The following PRDM16 variants were observed in gnomAD, a reference collection of about 807,000 sequenced individuals.
PRDM16 encodes the protein PR/SET domain 16, also known as histone-lysine N-methyltransferase PRDM16.
In PRDM16, 23 loss-of-function variants were observed where a neutral mutation model predicts 110.6. The ratio of observed to expected loss-of-function variants is 0.21; its 90% CI spans 0.15 to 0.29. The LOEUF (loss-of-function observed/expected upper bound fraction) is 0.29, where lower values mean the gene tolerates loss of function less well. Ranked by LOEUF, PRDM16 falls within the 10% of genes least tolerant of loss-of-function variation. The pLI is 1.00. For synonymous variants in PRDM16, 799 were observed against 781.8 expected (o/e 1.02, Z -0.37); for missense variants, 1,615 against 1,794.3 (o/e 0.90, Z 1.81).
intron 2 of PRDM16, among the ~76,000 whole-genome samples, chr1:3,203,079 T>G (rs1222307684): frequency 6.6e-6 from 1 of 152,188 alleles, no homozygotes; most frequent in East Asian, 1.9e-4. Flanking sequence ...TGCTGTCATG[T>G]GGGGTCACCA....
At chr1:3,431,190 C>T in intron 15 of PRDM16, 82 bp downstream of exon 15, 2 of 1,499,012 alleles carry the variant, frequency 1.3e-6, no homozygotes, top group Non-Finnish European at 1.8e-6. Flanking sequence ...TCTTCAGCCA[C>T]TCGTGAGCCC....
chr1:3,112,423 A>T (rs2993503), intron 1 of PRDM16, among the ~76,000 whole-genome samples: 1 of 152,102 alleles, frequency 6.6e-6, no homozygotes, highest in South Asian at 2.1e-4. Flanking sequence ...GTCTGTAAAC[A>T]TTCTTTTTTC....
At position 3,435,371 on chromosome 1, in the gene PRDM16, C is replaced by T. The variant is rs1452976648; in HGVS notation, c.*1560C>T. On this transcript the variant is annotated 3_prime_UTR_variant, in exon 17 of 17. Transcript: ENST00000270722. ...AAAACCGTGTGATAAGGTTGTGTGTCGTGTGGGAGTGGGGCGATTTTTTAT... is the reference window on the plus strand; with the variant it reads ...AAAACCGTGTGATAAGGTTGTGTGTTGTGTGGGAGTGGGGCGATTTTTTAT... The T allele has an allele frequency of 1.3e-5, 3 of 230,714 alleles. No homozygotes were observed. The highest frequency in any genetic ancestry group is 2.2e-5 in the African/African-American group (1 of 45,158). The allele number at this position is 230,714 out of a possible 1,614,324, so 14.3% of individuals were successfully genotyped here.
At chr1:3,349,877 G>A (rs531325138) in intron 3 of PRDM16, among the ~76,000 whole-genome samples, 66 of 152,328 alleles carry the variant, frequency 4.3e-4, no homozygotes, top group Non-Finnish European at 7.3e-5. Context: ...TCCAAAGCCC[G>A]GGGCTGGGCT....
At chr1:3,352,751 C>T (rs1412865343) in intron 3 of PRDM16, among the ~76,000 whole-genome samples, 2 of 152,336 alleles carry the variant, frequency 1.3e-5, no homozygotes, top group African/African-American at 2.4e-5. Context: ...AAGCAGGCTG[C>T]GATTGGCCGC....
chr1:3,388,663 G>T (rs1204902121), intron 4 of PRDM16, among the ~76,000 whole-genome samples: 1 of 152,182 alleles, frequency 6.6e-6, no homozygotes, highest in Non-Finnish European at 1.5e-5. Flanking sequence ...TATTCAGATG[G>T]GGACCCAGGC....
intron 3 of PRDM16, among the ~76,000 whole-genome samples, chr1:3,338,089 A>ATG (rs1642199354): frequency 6.6e-6 from 1 of 152,250 alleles, no homozygotes. Context: ...ACACGTGTGC[A>ATG]CACACATGAA....
chr1:3,083,764 C>A (rs1485392535), intron 1 of PRDM16, among the ~76,000 whole-genome samples: 1 of 152,164 alleles, frequency 6.6e-6, no homozygotes, highest in Non-Finnish European at 1.5e-5. Context: ...CTCACCCCAC[C>A]ATTATCCACC....
intron 3 of PRDM16, among the ~76,000 whole-genome samples, chr1:3,248,411 ATT>A (rs963060604): frequency 1.3e-5 from 2 of 152,094 alleles, no homozygotes; most frequent in Non-Finnish European, 2.9e-5. Context: ...TCTTATTTTT[ATT>A]TTCTCTTCCC....
intron 3 of PRDM16, among the ~76,000 whole-genome samples, chr1:3,247,549 G>A (rs142101160): frequency 1.3e-5 from 2 of 152,230 alleles, no homozygotes; most frequent in East Asian, 1.9e-4. Context: ...ACCGCCAGGC[G>A]CAGGGGACGG....
intron 1 of PRDM16, among the ~76,000 whole-genome samples, chr1:3,177,017 A>G (rs1644098964): frequency 6.6e-6 from 1 of 151,108 alleles, no homozygotes. Context: ...CCATCCACTA[A>G]TCCATCCATC....
chr1:3,120,959 A>G (rs1643080951), intron 1 of PRDM16, among the ~76,000 whole-genome samples: 2 of 152,200 alleles, frequency 1.3e-5, no homozygotes, highest in African/African-American at 4.8e-5. Context: ...GGACCTTCAC[A>G]TGTTTGGGTT....
At chr1:3,184,563 C>T (rs1056706708) in intron 1 of PRDM16, among the ~76,000 whole-genome samples, 1 of 152,186 alleles carries the variant, frequency 6.6e-6, no homozygotes, top group African/African-American at 2.4e-5. Flanking sequence ...CTAACACTCG[C>T]GCCTGCCTTT....
intron 1 of PRDM16, among the ~76,000 whole-genome samples, chr1:3,151,514 G>T (rs971348464): frequency 2.6e-5 from 4 of 152,254 alleles, no homozygotes; most frequent in Non-Finnish European, 5.9e-5. Context: ...TTCCCAGAGG[G>T]TGTGTTCTGA....
rs1415065464 is a variant in PRDM16 at position 3,290,225 on chromosome 1, A to G, written c.438+46088A>G. ...CTCCCCTTGAGGTGGGCAGGTTTCCAGGCATTTGGAAGTAGACATGGGAAG... is the reference window on the plus strand; with the variant it reads ...CTCCCCTTGAGGTGGGCAGGTTTCCGGGCATTTGGAAGTAGACATGGGAAG... On this transcript the variant is annotated intron_variant, in intron 3 of 16. Coordinates refer to ENST00000270722, the MANE Select transcript of PRDM16 (RefSeq NM_022114.4). The surrounding 1 kb of genome is among the most constrained non-coding windows in gnomAD (Gnocchi z 4.8). Among the ~76,000 whole-genome samples, 1 of 152,154 alleles carries G rather than the reference A, an allele frequency of 6.6e-6. No homozygotes were observed. The highest frequency in any genetic ancestry group is 1.5e-5 in the Non-Finnish European group (1 of 68,008).
intron 1 of PRDM16, among the ~76,000 whole-genome samples, chr1:3,168,442 C>T (rs932501176): frequency 2.0e-5 from 3 of 149,808 alleles, no homozygotes; most frequent in Non-Finnish European, 4.4e-5. Context: ...ACAACCCCCG[C>T]GGTGGAAGGA....
At chr1:3,313,078 C>T (rs1227723543) in intron 3 of PRDM16, among the ~76,000 whole-genome samples, 1 of 152,252 alleles carries the variant, frequency 6.6e-6, no homozygotes, top group Non-Finnish European at 1.5e-5. Context: ...TGTCCCAAGG[C>T]CATCTCCCAA....
chr1:3,079,802 C>T (rs183383904), intron 1 of PRDM16, among the ~76,000 whole-genome samples: 1 of 152,200 alleles, frequency 6.6e-6, no homozygotes, highest in Non-Finnish European at 1.5e-5. Flanking sequence ...GTACAACACA[C>T]ACACCTGCAG....
In PRDM16 at chr1:3,425,526, CGGCCTGCCATGCAGAGCCGG is replaced by C. The variant is rs1557669620; in HGVS notation, c.2940-47_2940-28del. 2 of 1,573,236 alleles carry C rather than the reference CGGCCTGCCATGCAGAGCCGG, an allele frequency of 1.3e-6. No homozygotes were observed. Among genetic ancestry groups the C allele is most frequent in the East Asian group, 2.3e-5 (1 of 44,380 alleles). On this transcript the variant is annotated intron_variant, in intron 12 of 16. Coordinates refer to ENST00000270722, the MANE Select transcript of PRDM16 (RefSeq NM_022114.4). The surrounding 1 kb of genome is among the most constrained non-coding windows in gnomAD (Gnocchi z 6.9). ...TCCCTTCCCCCCACCCTCTGTGGCC[CGGCCTGCCATGCAGAGCCGG>C]GGCCTGCACTGAGGAGCGCGTGTGC...
Sources: gnomAD v4.1 joint callset for allele counts (sites outside exome capture counted in the v4.1 genomes callset) on GRCh38, gnomAD v4.1.1 for gene constraint, Gnocchi (gnomAD v3.1) non-coding constraint, MANE v1.5 for transcripts, NCBI Gene and HGNC (gene_info 2026-07-23, HGNC 2026-07-21) for gene names.